PROM1: variants seen among roughly 807,000 people sequenced by gnomAD.
PROM1 encodes the protein prominin 1, also known as prominin-1.
Under a neutral mutation model 116.9 loss-of-function variants are expected in PROM1, and 105 were observed. That is an observed-to-expected ratio of 0.90 (90% CI 0.77 to 1.06). PROM1 has a LOEUF of 1.06. PROM1 is among the 50% of genes least tolerant of loss of function. PROM1 has a pLI of 0.00. For synonymous variants in PROM1, 393 were observed against 387.0 expected, an observed-to-expected ratio of 1.02 and a Z score of -0.18; for missense variants, 1,122 against 1,045.2, an observed-to-expected ratio of 1.07 and a Z score of -1.01.
chr4:15,976,222 T>C (rs995573022), intron 26 of PROM1: 32 of 455,224 alleles, frequency 7.0e-5, no homozygotes, highest in Non-Finnish European at 1.4e-4. Context: ...AAATGTTCAT[T>C]AGCAAGTGAG....
At chr4:15,986,094 C>T (rs1368123089) in intron 20 of PROM1, 57 bp from the exon 21 acceptor site, 2 of 1,243,118 alleles carry the variant, frequency 1.6e-6, no homozygotes, top group African/African-American at 3.0e-5. Flanking sequence ...TTTAATTAGA[C>T]AATTTGCATA....
intron 1 of PROM1, 75 bp from the exon 2 acceptor site, chr4:16,076,193 C>T (rs907810437): frequency 3.2e-5 from 12 of 373,048 alleles, no homozygotes; most frequent in Admixed American, 4.2e-5. Flanking sequence ...CCGGAGAGGA[C>T]GCTGCAAAGC....
chr4:15,972,611 C>T (rs979560583), intron 26 of PROM1, among the ~76,000 whole-genome samples: 2 of 152,144 alleles, frequency 1.3e-5, no homozygotes, highest in African/African-American at 2.4e-5. Context: ...GAAACTATAG[C>T]AAGTAACTAA....
At chr4:16,005,617 C>T (rs144138592) in intron 13 of PROM1, among the ~76,000 whole-genome samples, 7 of 152,152 alleles carry the variant, frequency 4.6e-5, no homozygotes, top group East Asian at 1.9e-4. Flanking sequence ...CTCTCCAGCC[C>T]GCTCACTCAC....
intron 16 of PROM1, 28 bp downstream of exon 16, chr4:15,993,959 T>A: frequency 6.2e-7 from 1 of 1,607,664 alleles, no homozygotes; most frequent in Non-Finnish European, 8.5e-7. Flanking sequence ...GAATGTGTTA[T>A]GTCGATTCCA....
chr4:16,008,309 T>G (rs1726032444), intron 12 of PROM1, among the ~76,000 whole-genome samples: 1 of 152,154 alleles, frequency 6.6e-6, no homozygotes, highest in African/African-American at 2.4e-5. Context: ...CTGACTGGGA[T>G]GTCCACCACC....
chr4:15,998,060 C>T (rs1248312277), intron 15 of PROM1, among the ~76,000 whole-genome samples: 3 of 152,136 alleles, frequency 2.0e-5, no homozygotes, highest in African/African-American at 4.8e-5. Flanking sequence ...TGTTGGATGG[C>T]TTTTACTTAG....
At chr4:16,052,161 AC>A (rs1375011246) in intron 2 of PROM1, among the ~76,000 whole-genome samples, 1 of 152,172 alleles carries the variant, frequency 6.6e-6, no homozygotes, top group African/African-American at 2.4e-5. Flanking sequence ...CTGAGCCTGA[AC>A]GCTCGTGAAC....
chr4:16,039,893 C>A (rs1047331666), intron 2 of PROM1, among the ~76,000 whole-genome samples: 1 of 152,078 alleles, frequency 6.6e-6, no homozygotes, highest in African/African-American at 2.4e-5. Flanking sequence ...CTAAGAGCCA[C>A]CTCTTAACCC....
At chr4:15,973,978 C>A (rs1715382336) in intron 26 of PROM1, among the ~76,000 whole-genome samples, 1 of 152,176 alleles carries the variant, frequency 6.6e-6, no homozygotes, top group Admixed American at 6.5e-5. Flanking sequence ...TGGACCAACA[C>A]TGGTGTTTGT....
At chr4:16,006,037 A>C (rs1318990742) in intron 13 of PROM1, among the ~76,000 whole-genome samples, 1 of 152,204 alleles carries the variant, frequency 6.6e-6, no homozygotes, top group Non-Finnish European at 1.5e-5. Context: ...TCTCACGCCT[A>C]ATCTAGGCTA....
chr4:16,008,973 G>A lies in PROM1; in HGVS notation c.1277C>T (p.Thr426Ile), dbSNP rs1332354256. ...CCAGTATGAATCATACTCTTCCAAT[G>A]TAGGTAAATTTCTGTGGATGTAACT... ...TESYIHRNLPTLEEYDSYWWL... is the reference protein window; with the variant it reads ...TESYIHRNLPILEEYDSYWWL... The change falls in exon 12 of 28, where the codon ACA becomes ATA. Residue 426 changes from threonine (T) to isoleucine (I), a missense_variant. By Grantham distance (89) the Thr-to-Ile change is moderately conservative. Coordinates refer to ENST00000447510, the MANE Select transcript of PROM1 (RefSeq NM_006017.3). 5.0e-6 allele frequency: 8 copies of A among 1,592,422 alleles called. No individual in the cohort carries two copies. Among genetic ancestry groups the A allele is most frequent in the African/African-American group, 1.3e-5 (1 of 74,406 alleles).
intron 27 of PROM1, among the ~76,000 whole-genome samples, chr4:15,970,320 G>A (rs974005084): frequency 2.0e-5 from 3 of 151,336 alleles, no homozygotes; most frequent in Non-Finnish European, 2.9e-5. Context: ...CAGGATTACA[G>A]GGGCCCCCCA....
chr4:16,036,950 C>T (rs1277795181), intron 3 of PROM1, among the ~76,000 whole-genome samples: 4 of 152,180 alleles, frequency 2.6e-5, no homozygotes. Context: ...TGCACCCCCA[C>T]CCAGAGTTTT....
chr4:15,991,677 G>A (rs1403430392), intron 17 of PROM1, among the ~76,000 whole-genome samples: 5 of 151,282 alleles, frequency 3.3e-5, no homozygotes, highest in Non-Finnish European at 7.4e-5. Context: ...GCTCACGCCT[G>A]TAATTCCAGC....
intron 23 of PROM1, among the ~76,000 whole-genome samples, chr4:15,981,433 A>G (rs1368514205): frequency 2.6e-5 from 4 of 151,606 alleles, no homozygotes; most frequent in Non-Finnish European, 5.9e-5. Flanking sequence ...TTAGCCAGGC[A>G]TGGTGGTGTG....
intron 13 of PROM1, among the ~76,000 whole-genome samples, chr4:16,003,978 T>C (rs1329408264): frequency 6.6e-6 from 1 of 152,224 alleles, no homozygotes; most frequent in Non-Finnish European, 1.5e-5. Flanking sequence ...GAGCAGGTGG[T>C]GTTTTGGTTG....
intron 2 of PROM1, among the ~76,000 whole-genome samples, chr4:16,067,006 T>G (rs911916732): frequency 1.3e-5 from 2 of 152,174 alleles, no homozygotes; most frequent in African/African-American, 4.8e-5. Flanking sequence ...TTTTTCAGTT[T>G]GGTTACAGAA....
intron 8 of PROM1, among the ~76,000 whole-genome samples, chr4:16,020,610 C>A (rs923454454): frequency 6.6e-6 from 1 of 152,178 alleles, no homozygotes; most frequent in Non-Finnish European, 1.5e-5. Flanking sequence ...TTACTCCTCA[C>A]GGCCCTTTTC....
Sources: gnomAD v4.1 joint callset for allele counts (sites outside exome capture counted in the v4.1 genomes callset) on GRCh38, gnomAD v4.1.1 for gene constraint, MANE v1.5 for transcripts, NCBI Gene and HGNC (gene_info 2026-07-23, HGNC 2026-07-21) for gene names.